Variants in LYPD6 observed in about 807,000 individuals in gnomAD.
The protein encoded by LYPD6 is ly6/PLAUR domain-containing protein 6.
In LYPD6, 15 loss-of-function variants were observed where a neutral mutation model predicts 22.7. That is an observed-to-expected ratio of 0.66 (90% CI 0.44 to 1.02). LYPD6 has a LOEUF of 1.02. Among genes scored for constraint, LYPD6 ranks in the 50% least tolerant of loss-of-function variants. LYPD6 has a pLI of 0.00. For synonymous variants in LYPD6, 72 were observed against 77.5 expected (o/e 0.93, Z 0.37); for missense variants, 189 against 208.4 (o/e 0.91, Z 0.57).
intron 1 of LYPD6, among the ~76,000 whole-genome samples, chr2:149,432,402 C>T (rs373815723): frequency 6.6e-6 from 1 of 151,854 alleles, no homozygotes; most frequent in Non-Finnish European, 1.5e-5. Flanking sequence ...TAAAAGAAAC[C>T]TCAGATTTCT....
chr2:149,337,166 CTG>C (rs1042895220), intron 1 of LYPD6, among the ~76,000 whole-genome samples: 17 of 152,174 alleles, frequency 1.1e-4, no homozygotes, highest in African/African-American at 3.9e-4. Flanking sequence ...TCCTTTCTGA[CTG>C]TGTAGTGCTT....
rs892573805 is a variant in LYPD6, at chr2:149,408,391, A to G, written c.-71-29247A>G. Among the ~76,000 whole-genome samples, 4 of 152,168 alleles carry G rather than the reference A, an allele frequency of 2.6e-5. No individual in the cohort carries two copies. In the South Asian group the frequency reaches 6.2e-4, roughly 24 times the overall value. On this transcript the variant is annotated intron_variant, in intron 1 of 4. Coordinates refer to ENST00000334166, the MANE Select transcript of LYPD6 (RefSeq NM_194317.5). Reference sequence around the variant, plus strand: ...AAGCTGAGGACTATGTGCTTAGGCAATGATCTTTTTGCATTGAATTTCCCA... The same window carrying G: ...AAGCTGAGGACTATGTGCTTAGGCAGTGATCTTTTTGCATTGAATTTCCCA...
intron 1 of LYPD6, among the ~76,000 whole-genome samples, chr2:149,395,692 T>A (rs1682413998): frequency 6.6e-6 from 1 of 152,210 alleles, no homozygotes; most frequent in Admixed American, 6.5e-5. Flanking sequence ...TGAATTATAA[T>A]GATAACAGCA....
At chr2:149,458,372 A>G (rs933130527) in intron 3 of LYPD6, among the ~76,000 whole-genome samples, 1 of 152,034 alleles carries the variant, frequency 6.6e-6, no homozygotes, top group Admixed American at 6.6e-5. Flanking sequence ...TCAAGACTTC[A>G]CCCTTCACCG....
chr2:149,392,754 G>A (rs1354824064), intron 1 of LYPD6, among the ~76,000 whole-genome samples: 2 of 152,162 alleles, frequency 1.3e-5, no homozygotes, highest in Admixed American at 6.5e-5. Flanking sequence ...GGCTGGGCGC[G>A]GTGGCTCATG....
intron 1 of LYPD6, among the ~76,000 whole-genome samples, chr2:149,342,348 A>G (rs932191883): frequency 3.9e-5 from 6 of 152,208 alleles, no homozygotes. Flanking sequence ...TAAAATATAC[A>G]AAAGTTTAAG....
At chr2:149,427,292 G>A (rs1683207176) in intron 1 of LYPD6, among the ~76,000 whole-genome samples, 1 of 151,830 alleles carries the variant, frequency 6.6e-6, no homozygotes, top group African/African-American at 2.4e-5. Flanking sequence ...ATATCTCTAG[G>A]GTAAAAATTC....
chr2:149,412,675 A>G (rs138765601), intron 1 of LYPD6, among the ~76,000 whole-genome samples: 3,791 of 152,308 alleles, frequency 0.025, 60 homozygotes, highest in Middle Eastern at 0.044. Context: ...CCAATTGACT[A>G]GAAATCAGTT....
intron 1 of LYPD6, among the ~76,000 whole-genome samples, chr2:149,334,620 A>G (rs1338213186): frequency 6.6e-6 from 1 of 152,094 alleles, no homozygotes; most frequent in Admixed American, 6.6e-5. Flanking sequence ...TTGCTGGGGG[A>G]TTGACTGGTG....
chr2:149,445,235 A>G (rs1409783943), intron 2 of LYPD6, among the ~76,000 whole-genome samples: 1 of 152,250 alleles, frequency 6.6e-6, no homozygotes, highest in African/African-American at 2.4e-5. Context: ...CTGTAAATAA[A>G]TGTGCTGTCA....
At chr2:149,468,344 C>T (rs1681253587) in intron 3 of LYPD6, among the ~76,000 whole-genome samples, 1 of 152,074 alleles carries the variant, frequency 6.6e-6, no homozygotes, top group Non-Finnish European at 1.5e-5. Context: ...CACTCATCCC[C>T]TAAAAATAAA....
rs1422632017 is a variant in LYPD6 at position 149,474,051 on chromosome 2, CAG to C, written c.*3203_*3204del. 3 of 152,060 alleles carry C rather than the reference CAG, an allele frequency of 2.0e-5. No homozygotes were observed. Among genetic ancestry groups the C allele is most frequent in the African/African-American group, 7.2e-5 (3 of 41,398 alleles). 9.4% of individuals were successfully genotyped at this position (152,060 alleles called of 1,614,324 possible). ...TCTTGATGGTTTCTTCAACAGGAAACAGATATTGGAATAGTGTACATGTCATT... is the reference window on the plus strand; with the variant it reads ...TCTTGATGGTTTCTTCAACAGGAAACATATTGGAATAGTGTACATGTCATT... On this transcript the variant is annotated 3_prime_UTR_variant, in exon 5 of 5. Transcript: ENST00000334166.
intron 2 of LYPD6, 69 bp from the exon 3 acceptor site, chr2:149,448,980 A>G (rs1683748038): frequency 8.4e-7 from 1 of 1,185,694 alleles, no homozygotes; most frequent in Non-Finnish European, 1.2e-6. Context: ...AATAATGAAA[A>G]TGTCTTAACT....
At chr2:149,463,316 A>T (rs1005976543) in intron 3 of LYPD6, among the ~76,000 whole-genome samples, 85 of 152,292 alleles carry the variant, frequency 5.6e-4, no homozygotes, top group African/African-American at 1.9e-3. Context: ...GGAAATGCAA[A>T]TTTCAAACAT....
Position 149,405,046 on chromosome 2 carries a change from G to A in LYPD6, c.-71-32592G>A, listed in dbSNP as rs540140060. On this transcript the variant is annotated intron_variant, in intron 1 of 4. Coordinates refer to ENST00000334166, the MANE Select transcript of LYPD6 (RefSeq NM_194317.5). ...TATGCTGGATTACATTTATTAATTT[G>A]CGTATATTGAACCAGCCTTGCATCC... Among the ~76,000 whole-genome samples the A allele has an allele frequency of 3.3e-5, 5 of 152,222 alleles. No homozygotes were observed. In the East Asian group the frequency reaches 9.7e-4, roughly 29 times the overall value.
At chr2:149,432,702 A>G (rs1338129772) in intron 1 of LYPD6, among the ~76,000 whole-genome samples, 1 of 152,108 alleles carries the variant, frequency 6.6e-6, no homozygotes, top group Non-Finnish European at 1.5e-5. Flanking sequence ...TTCTAGATTT[A>G]TTTCCATCTC....
At chr2:149,366,509 G>A (rs1364893406) in intron 1 of LYPD6, among the ~76,000 whole-genome samples, 1 of 152,086 alleles carries the variant, frequency 6.6e-6, no homozygotes, top group Admixed American at 6.6e-5. Flanking sequence ...AGGTGATTTG[G>A]GAGAATGCCA....
At chr2:149,420,529 C>T (rs1010699989) in intron 1 of LYPD6, among the ~76,000 whole-genome samples, 1 of 152,150 alleles carries the variant, frequency 6.6e-6, no homozygotes, top group Non-Finnish European at 1.5e-5. Context: ...GAGTGTACTT[C>T]ACCTGGAGTA....
intron 1 of LYPD6, among the ~76,000 whole-genome samples, chr2:149,400,410 A>T (rs1386911370): frequency 1.3e-5 from 2 of 152,158 alleles, no homozygotes; most frequent in African/African-American, 4.8e-5. Flanking sequence ...CGATAAAAGG[A>T]TGGGGGCAGG....
Sources: allele counts gnomAD v4.1 joint callset (sites outside exome capture counted in the v4.1 genomes callset), GRCh38; gene constraint gnomAD v4.1.1; transcripts MANE v1.5; gene names NCBI Gene and HGNC (gene_info 2026-07-23, HGNC 2026-07-21).